CLCN4: variants seen among roughly 807,000 people sequenced by gnomAD.
CLCN4 encodes the protein H(+)/Cl(-) exchange transporter 4.
Under a neutral mutation model 41.7 loss-of-function variants are expected in CLCN4, and 1 was observed. The ratio of observed to expected loss-of-function variants is 0.02; its 90% CI spans 0.01 to 0.11. The LOEUF (loss-of-function observed/expected upper bound fraction) is 0.11. CLCN4 is among the 10% of genes least tolerant of loss of function. CLCN4 has a pLI of 1.00. For synonymous variants in CLCN4, 277 were observed against 285.8 expected, an observed-to-expected ratio of 0.97 and a Z score of 0.31; for missense variants, 287 against 661.0, an observed-to-expected ratio of 0.43 and a Z score of 6.20.
chrX:10,190,452 CCTGTGGAAAAACAAAGAA>C lies in CLCN4; in HGVS notation c.244+2846_244+2863del, dbSNP rs1263644394. On this transcript the variant is annotated intron_variant, in intron 4 of 12. Transcript: ENST00000380833. ...TAATGAGCTCTTTGCCTTTGTTTTT[CCTGTGGAAAAACAAAGAA>C]CTGTGGATAGTTCTAAATTTGACAT... Among the ~76,000 whole-genome samples, 4 of 110,965 alleles carry C rather than the reference CCTGTGGAAAAACAAAGAA, an allele frequency of 3.6e-5. No homozygotes were observed. The South Asian group carries it at 1.1e-3, about 32-fold the overall frequency.
chrX:10,214,946 C>T (rs372525672), intron 11 of CLCN4, among the ~76,000 whole-genome samples: 12 of 111,731 alleles, frequency 1.1e-4, no homozygotes, highest in East Asian at 8.5e-4. Context: ...CAAGGAGAAG[C>T]TGTGAGCCTT....
chrX:10,159,244 A>C lies in CLCN4; in HGVS notation c.-12+693A>C, dbSNP rs754635110. Among the ~76,000 whole-genome samples the C allele has an allele frequency of 1.1e-3, 123 of 112,473 alleles. 1 individual carries two copies. Among genetic ancestry groups the C allele is most frequent in the African/African-American group, 3.8e-3 (117 of 30,919 alleles). ...ACATGTGAGCGTAAGAGACAGCTACATCTCTAAGAACCAAATGATCTTTAG... is the reference window on the plus strand; with the variant it reads ...ACATGTGAGCGTAAGAGACAGCTACCTCTCTAAGAACCAAATGATCTTTAG... On this transcript the variant is annotated intron_variant, in intron 2 of 12. Coordinates refer to ENST00000380833, the MANE Select transcript of CLCN4 (RefSeq NM_001830.4).
intron 12 of CLCN4, among the ~76,000 whole-genome samples, chrX:10,233,067 A>G (rs1309334316): frequency 8.9e-6 from 1 of 112,170 alleles, no homozygotes; most frequent in African/African-American, 3.2e-5. Context: ...TTAAGAGGAT[A>G]TAGTAGTCAT....
intron 11 of CLCN4, among the ~76,000 whole-genome samples, chrX:10,217,900 G>T (rs940251737): frequency 9.0e-6 from 1 of 110,808 alleles, no homozygotes; most frequent in Non-Finnish European, 1.9e-5. Flanking sequence ...ATGCCACCAG[G>T]CGTGGCTAAT....
chrX:10,210,927 C>T (rs191149064), intron 9 of CLCN4, among the ~76,000 whole-genome samples: 2,033 of 105,452 alleles, frequency 0.019, 55 homozygotes, highest in African/African-American at 0.067. Context: ...GAATTACAGG[C>T]GTGAGCCATC....
intron 2 of CLCN4, among the ~76,000 whole-genome samples, chrX:10,169,330 C>G (rs150102463): frequency 2.7e-5 from 3 of 111,493 alleles, no homozygotes; most frequent in Non-Finnish European, 5.6e-5. Context: ...GATAAGAAAC[C>G]GTCAGCTTGT....
Position 10,220,377 on chromosome X carries a change from G to A in CLCN4, c.1976-284G>A, listed in dbSNP as rs761929327. 4.5e-5 allele frequency among the ~76,000 whole-genome samples: 5 copies of A among 111,954 alleles called. No individual in the cohort carries two copies. The East Asian group carries it at 1.1e-3, about 25-fold the overall frequency. Reference sequence around the variant, plus strand: ...GCTGTTTGGGGTGCCCGGAGTCTGCGGTGAAGCAGTGAATGTCCCCAAAGG... The same window carrying A: ...GCTGTTTGGGGTGCCCGGAGTCTGCAGTGAAGCAGTGAATGTCCCCAAAGG... On this transcript the variant is annotated intron_variant, in intron 11 of 12. Transcript: ENST00000380833.
At chrX:10,185,287 C>G in intron 3 of CLCN4, 111 bp downstream of exon 3, 1 of 832,341 alleles carries the variant, frequency 1.2e-6, no homozygotes. Context: ...GGGTTAGGGT[C>G]TAAAGAAGAA....
intron 2 of CLCN4, among the ~76,000 whole-genome samples, chrX:10,163,787 G>A (rs1297578816): frequency 5.3e-5 from 6 of 112,311 alleles, no homozygotes; most frequent in Non-Finnish European, 7.5e-5. Flanking sequence ...CACTGTGGAC[G>A]TTAGGGTCCA....
intron 4 of CLCN4, among the ~76,000 whole-genome samples, chrX:10,190,437 T>G (rs1473908904): frequency 9.0e-6 from 1 of 111,584 alleles, no homozygotes; most frequent in African/African-American, 3.3e-5. Context: ...TAATGAGCTC[T>G]TTGCCTTTGT....
chrX:10,204,138 G>A (rs1924310981), intron 6 of CLCN4, among the ~76,000 whole-genome samples: 1 of 111,888 alleles, frequency 8.9e-6, no homozygotes, highest in Middle Eastern at 4.2e-3. Flanking sequence ...TTTTGGCAGG[G>A]GAGAGGCCCT....
In CLCN4 at chrX:10,233,595, G is replaced by A. The variant is rs368627981; in HGVS notation, c.*11G>A. ...ATCATGTTTAATTAGCAACAAGGTGGCAATTATTTTCAGAAAAACACTGAC... is the reference window on the plus strand; with the variant it reads ...ATCATGTTTAATTAGCAACAAGGTGACAATTATTTTCAGAAAAACACTGAC... On this transcript the variant is annotated 3_prime_UTR_variant, in exon 13 of 13. Transcript: ENST00000380833. The A allele has an allele frequency of 1.0e-4, 117 of 1,149,922 alleles. No homozygotes were observed. The highest frequency in any genetic ancestry group is 1.4e-4 in the Non-Finnish European group (114 of 840,947). The allele number at this position is 1,149,922 out of a possible 1,213,427, so 94.8% of individuals were successfully genotyped here.
intron 2 of CLCN4, among the ~76,000 whole-genome samples, chrX:10,172,684 C>CGT (rs34697600): frequency 0.25 from 22,107 of 89,108 alleles, 2,385 homozygotes; most frequent in East Asian, 0.82. Flanking sequence ...AGAGGGCATG[C>CGT]GTGTGTGTGT....
rs1457641444 is a variant in CLCN4 at position 10,206,929 on chromosome X, G to GTTTTTGT, written c.843+158_843+159insGTTTTTT. The stretch of plus-strand genomic sequence containing the variant: ...TTGTTTTGTTTTTGTTTTTGTTTTT[G>GTTTTTGT]TTTTTTTTGAGACTGAGTCTCACTC... On this transcript the variant is annotated intron_variant, in intron 8 of 12. Coordinates refer to ENST00000380833, the MANE Select transcript of CLCN4 (RefSeq NM_001830.4). Among the ~76,000 whole-genome samples the GTTTTTGT allele has an allele frequency of 9.2e-5, 10 of 108,736 alleles. No homozygotes were observed. The South Asian group carries it at 1.6e-3, about 17-fold the overall frequency. The allele number at this position is 108,736 out of a possible 115,157, so 94.4% of individuals were successfully genotyped here. A position where few individuals can be genotyped will look rare whatever the true frequency, so the allele number is the denominator to read the frequency against.
At chrX:10,199,417 G>A (rs1924179147) in intron 6 of CLCN4, among the ~76,000 whole-genome samples, 1 of 112,601 alleles carries the variant, frequency 8.9e-6, no homozygotes, top group Admixed American at 9.4e-5. Context: ...CAAAGAACTT[G>A]AAGTTTGCTT....
In CLCN4 at chrX:10,202,952, C is replaced by T. The variant is rs140297069; in HGVS notation, c.556-3406C>T. 5.7e-4 allele frequency among the ~76,000 whole-genome samples: 64 copies of T among 112,115 alleles called. 1 individual carries two copies. The East Asian group carries it at 0.016, about 29-fold the overall frequency. ...CAGTACATCTCGTTAAAGCCCTGCTCGCTTCAGTCTCTATGAATTCAAATT... is the reference window on the plus strand; with the variant it reads ...CAGTACATCTCGTTAAAGCCCTGCTTGCTTCAGTCTCTATGAATTCAAATT... On this transcript the variant is annotated intron_variant, in intron 6 of 12. Coordinates refer to ENST00000380833, the MANE Select transcript of CLCN4 (RefSeq NM_001830.4).
intron 6 of CLCN4, among the ~76,000 whole-genome samples, chrX:10,201,595 A>G (rs1924239544): frequency 8.9e-6 from 1 of 112,510 alleles, no homozygotes; most frequent in Non-Finnish European, 1.9e-5. Context: ...GCTGTTCTTC[A>G]TTCATTCTAG....
intron 10 of CLCN4, among the ~76,000 whole-genome samples, chrX:10,213,027 G>A (rs191401773): frequency 1.6e-4 from 18 of 109,646 alleles, no homozygotes; most frequent in Admixed American, 1.5e-3. Flanking sequence ...CTACATCTGG[G>A]CACAATCATC....
intron 2 of CLCN4, among the ~76,000 whole-genome samples, chrX:10,171,338 C>A (rs1383749155): frequency 3.6e-5 from 4 of 112,283 alleles, no homozygotes; most frequent in Non-Finnish European, 5.6e-5. Context: ...AGGTAAAGAT[C>A]ACTCACATGG....
Sources: allele counts gnomAD v4.1 joint callset (sites outside exome capture counted in the v4.1 genomes callset), GRCh38; gene constraint gnomAD v4.1.1; transcripts MANE v1.5; gene names NCBI Gene and HGNC (gene_info 2026-07-23, HGNC 2026-07-21).